The following ATG9B variants were observed in gnomAD, a reference collection of about 807,000 sequenced individuals.
ATG9B encodes autophagy-related protein 9B.
A neutral mutation model predicts 92.9 loss-of-function variants in ATG9B; 92 were observed. That is an observed-to-expected ratio of 0.99 (90% CI 0.84 to 1.18). The LOEUF (loss-of-function observed/expected upper bound fraction) is 1.18, where lower values mean the gene tolerates loss of function less well. Ranked by LOEUF, ATG9B falls within the 50% of genes most tolerant of loss-of-function variation. The probability of loss-of-function intolerance (pLI) is 0.00; values close to 1 mark genes in which losing one functional copy is unlikely to be tolerated. For synonymous variants in ATG9B, 599 were observed against 551.4 expected, an observed-to-expected ratio of 1.09 and a Z score of -1.21; for missense variants, 1,344 against 1,235.0, an observed-to-expected ratio of 1.09 and a Z score of -1.32.
At chr7:151,013,275 T>C, downstream of ATG9B, 1 of 1,613,850 alleles carries the variant, frequency 6.2e-7, no homozygotes, top group Non-Finnish European at 8.5e-7. Flanking sequence ...CTGCCGATGC[T>C]CCCAACTTGA....
chr7:151,016,616 C>T (rs546006983), intron 10 of ATG9B, 72 bp downstream of exon 10: 1 of 1,545,396 alleles, frequency 6.5e-7, no homozygotes, highest in Non-Finnish European at 8.7e-7. Context: ...CCTCAGCGCC[C>T]CAGCTCCCCA....
Position 151,018,559 on chromosome 7 carries a change from C to T in ATG9B, c.1718+61G>A. 2 of 1,547,410 alleles carry T rather than the reference C, an allele frequency of 1.3e-6. No homozygotes were observed. Among genetic ancestry groups the T allele is most frequent in the South Asian group, 1.2e-5 (1 of 84,608 alleles). ...AGAGGTAAGGATTCGGGGGGAACCTCACATGGCCCCAGATCAGAGAAACCA... is the reference window on the plus strand; with the variant it reads ...AGAGGTAAGGATTCGGGGGGAACCTTACATGGCCCCAGATCAGAGAAACCA... On this transcript the variant is annotated intron_variant, in intron 6 of 13. Coordinates refer to ENST00000639579, the MANE Select transcript of ATG9B (RefSeq NM_001317056.2). This position sits in a 1 kb window ranked among gnomAD's most constrained non-coding sequence, Gnocchi z 4.7.
At chr7:151,020,719 G>A (rs1462511960) in intron 5 of ATG9B, among the ~76,000 whole-genome samples, 2 of 152,172 alleles carry the variant, frequency 1.3e-5, no homozygotes, top group Admixed American at 6.5e-5. Flanking sequence ...TGCAATGCGG[G>A]GGATGGCTTT....
Position 151,015,305 on chromosome 7 carries a change from C to T in ATG9B, c.*423G>A, listed in dbSNP as rs1336442223. 1 of 152,438 alleles carries T rather than the reference C, an allele frequency of 6.6e-6. No homozygotes were observed. The highest frequency in any genetic ancestry group is 1.5e-5 in the Non-Finnish European group (1 of 68,196). 9.4% of individuals were successfully genotyped at this position (152,438 alleles called of 1,614,324 possible). On this transcript the variant is annotated 3_prime_UTR_variant, in exon 14 of 14. Transcript: ENST00000639579. ...CCATCCCCTACAAGCCCCAAGGAACCTGAAAGTGCTGCTGGCAGCCGCCAG... is the reference window on the plus strand; with the variant it reads ...CCATCCCCTACAAGCCCCAAGGAACTTGAAAGTGCTGCTGGCAGCCGCCAG...
rs759528412 is a variant in ATG9B at position 151,015,959 on chromosome 7, G to A, written c.2712C>T (p.Pro904=). ...TGTCTGTGGTCACCTGAAACCCTCC[G>A]GGGAACAGATTCCGGGCCTTCTGGG... is the stretch of plus-strand genomic sequence containing the variant. ...WGTQKARNLF[P]GGFQVTTDTQ... The change falls in exon 13 of 14, where the codon CCC becomes CCT. Residue 904 remains proline, a synonymous_variant. Transcript: ENST00000639579. 2.8e-5 allele frequency: 43 copies of A among 1,551,638 alleles called. No homozygotes were observed. In the East Asian group the frequency reaches 3.2e-4, roughly 11 times the overall value.
Position 151,016,251 on chromosome 7 carries a change from G to A in ATG9B, c.2521-16C>T. On this transcript the variant is annotated splice_polypyrimidine_tract_variant and intron_variant, in intron 11 of 13. Transcript: ENST00000639579. ...GCTGGTGAAGCTGCATGGAAAGGAGGAGGAATGAGGGCTGCACCCCAAGGA... is the reference window on the plus strand; with the variant it reads ...GCTGGTGAAGCTGCATGGAAAGGAGAAGGAATGAGGGCTGCACCCCAAGGA... The A allele has an allele frequency of 6.7e-7, 1 of 1,485,568 alleles. No individual in the cohort carries two copies. The highest frequency in any genetic ancestry group is 9.0e-7 in the Non-Finnish European group (1 of 1,115,022). 92.0% of individuals were successfully genotyped at this position (1,485,568 alleles called of 1,614,324 possible). A position where few individuals can be genotyped will look rare whatever the true frequency, so the allele number is the denominator to read the frequency against.
downstream of ATG9B, chr7:151,014,149 T>C: frequency 1.2e-6 from 2 of 1,608,830 alleles, no homozygotes; most frequent in Non-Finnish European, 1.7e-6. Context: ...CCCTCCCGGC[T>C]CAGACACCAA....
chr7:151,018,547 CG>C lies in ATG9B; in HGVS notation c.1718+72del. The C allele has an allele frequency of 1.3e-6, 2 of 1,533,198 alleles. No homozygotes were observed. The highest frequency in any genetic ancestry group is 1.7e-6 in the Non-Finnish European group (2 of 1,143,320). The allele number at this position is 1,533,198 out of a possible 1,614,324, so 95.0% of individuals were successfully genotyped here. On this transcript the variant is annotated intron_variant, in intron 6 of 13. Transcript: ENST00000639579. This position sits in a 1 kb window ranked among gnomAD's most constrained non-coding sequence, Gnocchi z 4.7. Reference sequence around the variant, plus strand: ...CCCAGTGGTGGGAGAGGTAAGGATTCGGGGGGAACCTCACATGGCCCCAGAT... The same window carrying C: ...CCCAGTGGTGGGAGAGGTAAGGATTCGGGGGAACCTCACATGGCCCCAGAT...
intron 5 of ATG9B, chr7:151,019,723 C>T: frequency 4.1e-6 from 1 of 245,866 alleles, no homozygotes; most frequent in Non-Finnish European, 7.8e-6. Flanking sequence ...CAGTTGTACA[C>T]ACAAAACAGA....
rs751024188 is a variant in ATG9B at position 151,019,275 on chromosome 7, G to C, written c.1063C>G (p.Leu355Val). Reference sequence around the variant, plus strand: ...CGCAGGATGCGGTGGTGGATGTCCAGCTCCGTCAGGGGCCGCGGCTGCACG... The same window carrying C: ...CGCAGGATGCGGTGGTGGATGTCCACCTCCGTCAGGGGCCGCGGCTGCACG... ...LCVQPRPLTE[L>V]DIHHRILRYT... is the part of the protein sequence containing the mutation. Residue 355 changes from leucine to valine, a missense_variant, in exon 6 of 14, where the codon CTG (leucine) becomes GTG (valine). Transcript: ENST00000639579. The C allele has an allele frequency of 3.8e-6, 6 of 1,584,390 alleles. No homozygotes were observed. Among genetic ancestry groups the C allele is most frequent in the Non-Finnish European group, 5.1e-6 (6 of 1,172,792 alleles).
In ATG9B at chr7:151,015,389, C is replaced by T. The variant is rs3918213; in HGVS notation, c.*339G>A. 0.013 allele frequency: 1,920 copies of T among 152,988 alleles called. 52 individuals are homozygous for T. The highest frequency in any genetic ancestry group is 0.044 in the African/African-American group (1,825 of 41,578). 9.5% of individuals were successfully genotyped at this position (152,988 alleles called of 1,614,324 possible). On this transcript the variant is annotated 3_prime_UTR_variant, in exon 14 of 14. Transcript: ENST00000639579. ...CTCACTGTCGCCCTTCCATTTAGCTCGGCCTCATCCTTGACCTCTGTCCCC... is the reference window on the plus strand; with the variant it reads ...CTCACTGTCGCCCTTCCATTTAGCTTGGCCTCATCCTTGACCTCTGTCCCC...
chr7:151,021,684 G>A (rs375805123), intron 4 of ATG9B, among the ~76,000 whole-genome samples: 8 of 146,108 alleles, frequency 5.5e-5, no homozygotes, highest in African/African-American at 2.0e-4. Context: ...GAGTCTTGCT[G>A]TGTCGCCCAG....
Position 151,017,280 on chromosome 7 carries a change from CAAGGACAG to C in ATG9B, c.2053-16_2053-9del. ...CTGTCCCGCCGAGAGCCACTGTGAG[CAAGGACAG>C]TCTTTCAGGTGCTAAGAACACTGAG... On this transcript the variant is annotated splice_polypyrimidine_tract_variant and intron_variant, in intron 8 of 13. Transcript: ENST00000639579. The C allele has an allele frequency of 6.3e-7, 1 of 1,576,326 alleles. No homozygotes were observed. Among genetic ancestry groups the C allele is most frequent in the Admixed American group, 1.8e-5 (1 of 56,550 alleles).
rs1441320331 is a variant in ATG9B, at chr7:151,016,211, C to T, written c.2545G>A (p.Glu849Lys). 3 of 1,496,582 alleles carry T rather than the reference C, an allele frequency of 2.0e-6. No individual in the cohort carries two copies. Among genetic ancestry groups the T allele is most frequent in the Non-Finnish European group, 1.8e-6 (2 of 1,120,046 alleles). The allele number at this position is 1,496,582 out of a possible 1,614,324, so 92.7% of individuals were successfully genotyped here. ...HQLHQQQQQQ[E>K]PWGEAAASIL... The stretch of plus-strand genomic sequence containing the variant: ...GAGGCTGCAGCCTCACCCCACGGCT[C>T]CTGCTGCTGCTGCTGCTGGTGAAGC... The change falls in exon 12 of 14, where the codon GAG (glutamate) becomes AAG (lysine). Residue 849 changes from glutamate (E) to lysine (K), a missense_variant. Physicochemically the swap from Glu to Lys is moderately conservative, Grantham distance 56. Coordinates refer to ENST00000639579, the MANE Select transcript of ATG9B (RefSeq NM_001317056.2).
chr7:151,016,204 C>T lies in ATG9B; in HGVS notation c.2552G>A (p.Trp851Ter). Reference protein sequence around the residue: ...LHQQQQQQEPWGEAAASILSR... With the variant: ...LHQQQQQQEP ...CAGGATGGAGGCTGCAGCCTCACCC[C>T]ACGGCTCCTGCTGCTGCTGCTGCTG... Residue 851 changes from tryptophan to a stop codon, truncating the protein, a stop_gained, in exon 12 of 14, where the codon TGG becomes TAG. Transcript: ENST00000639579. LOFTEE classifies it high-confidence loss of function. The T allele has an allele frequency of 3.3e-6, 5 of 1,510,622 alleles. No individual in the cohort carries two copies. The highest frequency in any genetic ancestry group is 1.4e-5 in the African/African-American group (1 of 71,926). The allele number at this position is 1,510,622 out of a possible 1,614,324, so 93.6% of individuals were successfully genotyped here.
intron 8 of ATG9B, 51 bp downstream of exon 8, chr7:151,017,820 A>G: frequency 6.6e-7 from 1 of 1,507,786 alleles, no homozygotes; most frequent in Non-Finnish European, 8.9e-7. Context: ...CCCGAGAGGC[A>G]AGCGAACTCC....
rs780303332 is a variant in ATG9B at position 151,018,377 on chromosome 7, T to C, written c.1789A>G (p.Met597Val). 3 of 1,596,760 alleles carry C rather than the reference T, an allele frequency of 1.9e-6. No homozygotes were observed. The highest frequency in any genetic ancestry group is 2.3e-5 in the South Asian group (2 of 88,816). ...QLLLQTALAH[M>V]HYLPEEPGPG... ...CCGGGCTCCTCCGGGAGGTAGTGCA[T>C]GTGGGCCAGGGCTGTCTGCAGCAGG... The change falls in exon 7 of 14, where the codon ATG becomes GTG. Residue 597 changes from methionine to valine, a missense_variant. Met to Val is a conservative substitution (Grantham distance 21, BLOSUM62 1). Coordinates refer to ENST00000639579, the MANE Select transcript of ATG9B (RefSeq NM_001317056.2). This position sits in a 1 kb window ranked among gnomAD's most constrained non-coding sequence, Gnocchi z 4.7.
chr7:151,013,950 G>C (rs1331618412), downstream of ATG9B: 8 of 1,603,492 alleles, frequency 5.0e-6, no homozygotes, highest in Non-Finnish European at 6.8e-6. Context: ...CTGAGCGTGC[G>C]GGGTTCCTGC....
chr7:151,018,342 G>A lies in ATG9B; in HGVS notation c.1824C>T (p.Gly608=). ...CCATCTGCCGGTAGGCGCGGTCCCT[G>A]CCGCCGGGGCCGGGCTCCTCCGGGA... The part of the protein sequence containing the change: ...HYLPEEPGPG[G]RDRAYRQMAQ... The change falls in exon 7 of 14, where the codon GGC becomes GGT. Residue 608 remains glycine (G), a synonymous_variant. Transcript: ENST00000639579. This position sits in a 1 kb window ranked among gnomAD's most constrained non-coding sequence, Gnocchi z 4.7. 6.3e-7 allele frequency: 1 copy of A among 1,595,626 alleles called. No homozygotes were observed. The highest frequency in any genetic ancestry group is 1.1e-5 in the South Asian group (1 of 88,960).
Sources: gnomAD v4.1 joint callset for allele counts (sites outside exome capture counted in the v4.1 genomes callset) on GRCh38, gnomAD v4.1.1 for gene constraint, Gnocchi (gnomAD v3.1) non-coding constraint, MANE v1.5 for transcripts, NCBI Gene and HGNC (gene_info 2026-07-23, HGNC 2026-07-21) for gene names.